CNOT10: variants seen among roughly 807,000 people sequenced by gnomAD.
CNOT10 encodes CCR4-NOT transcription complex, subunit 10.
In CNOT10, 30 loss-of-function variants were observed where a neutral mutation model predicts 94.6. The observed-to-expected ratio is 0.32, with a 90% CI of 0.24 to 0.43. CNOT10 has a LOEUF of 0.43. CNOT10 is among the 20% of genes least tolerant of loss of function. CNOT10 has a pLI of 1.00. For missense variants in CNOT10, 759 were observed against 877.2 expected (o/e 0.87, Z 1.70); for synonymous variants, 289 against 301.6 (o/e 0.96, Z 0.43).
intron 13 of CNOT10, among the ~76,000 whole-genome samples, chr3:32,743,066 A>G (rs1056284886): frequency 1.3e-5 from 2 of 150,742 alleles, no homozygotes; most frequent in Non-Finnish European, 2.9e-5. Context: ...GCTCACTGCA[A>G]CATCCGCCTC....
In CNOT10 at chr3:32,770,904, G is replaced by A. The variant is rs552937813; in HGVS notation, c.2080+942G>A. Among the ~76,000 whole-genome samples the A allele has an allele frequency of 9.2e-5, 14 of 151,910 alleles. No individual in the cohort carries two copies. The East Asian group carries it at 1.6e-3, about 17-fold the overall frequency. On this transcript the variant is annotated intron_variant, in intron 18 of 18. Transcript: ENST00000328834. Reference sequence around the variant, plus strand: ...AATTTTTGTATTTTTAGTAGAGACCGGGTTCACCACGTTGGCCAAGCTGGT... The same window carrying A: ...AATTTTTGTATTTTTAGTAGAGACCAGGTTCACCACGTTGGCCAAGCTGGT...
chr3:32,773,070 G>A (rs1165211785), intron 18 of CNOT10, among the ~76,000 whole-genome samples: 2 of 151,948 alleles, frequency 1.3e-5, no homozygotes, highest in East Asian at 3.9e-4. Context: ...TTTCACCATG[G>A]TACCCAAGCT....
intron 13 of CNOT10, among the ~76,000 whole-genome samples, chr3:32,745,095 TATTGAA>T (rs1699634639): frequency 6.6e-6 from 1 of 152,088 alleles, no homozygotes; most frequent in Non-Finnish European, 1.5e-5. Context: ...GCCAGGCTGG[TATTGAA>T]CTCCTGGCCT....
chr3:32,705,613 G>A (rs896941691), intron 3 of CNOT10, among the ~76,000 whole-genome samples: 1 of 152,122 alleles, frequency 6.6e-6, no homozygotes, highest in Non-Finnish European at 1.5e-5. Flanking sequence ...TTTTAAAAGT[G>A]GAAAAGCCAA....
At chr3:32,692,723 C>G (rs767877736) in intron 1 of CNOT10, among the ~76,000 whole-genome samples, 1 of 152,012 alleles carries the variant, frequency 6.6e-6, no homozygotes, top group Non-Finnish European at 1.5e-5. Flanking sequence ...TAGTTTCTAC[C>G]TTTGTTAGTG....
chr3:32,770,589 T>A (rs1057348743), intron 18 of CNOT10, among the ~76,000 whole-genome samples: 18 of 152,154 alleles, frequency 1.2e-4, no homozygotes, highest in African/African-American at 3.6e-4. Context: ...CCTCCCAAAG[T>A]GCTTGGATTA....
At position 32,727,979 on chromosome 3, in the gene CNOT10, T is replaced by TTTTA. The variant is rs150924656; in HGVS notation, c.1215+137_1215+140dup. 1,114 of 570,314 alleles carry TTTTA rather than the reference T, an allele frequency of 2.0e-3. 3 individuals are homozygous for TTTTA. Among genetic ancestry groups the TTTTA allele is most frequent in the African/African-American group, 0.016 (764 of 48,660 alleles). The allele number at this position is 570,314 out of a possible 1,614,324, so 35.3% of individuals were successfully genotyped here. ...GGAAACATACATAAGACATTTCTCT[T>TTTTA]TTTATTTATTTATTTATTTATTTAT... On this transcript the variant is annotated intron_variant, in intron 10 of 18. Transcript: ENST00000328834.
chr3:32,722,036 C>T (rs769910017), intron 8 of CNOT10, among the ~76,000 whole-genome samples: 1 of 152,126 alleles, frequency 6.6e-6, no homozygotes, highest in Non-Finnish European at 1.5e-5. Flanking sequence ...AAAATTGTGA[C>T]TGTCATTTAG....
chr3:32,744,461 G>A (rs563903509), intron 13 of CNOT10, among the ~76,000 whole-genome samples: 4 of 151,550 alleles, frequency 2.6e-5, no homozygotes, highest in African/African-American at 4.9e-5. Context: ...GAGTATTTTC[G>A]GTTTTTTTCA....
chr3:32,688,226 T>C (rs1696711489), intron 1 of CNOT10, among the ~76,000 whole-genome samples: 1 of 152,210 alleles, frequency 6.6e-6, no homozygotes, highest in Non-Finnish European at 1.5e-5. Flanking sequence ...AAAGTCTCTG[T>C]TCTGGAGCTT....
In CNOT10 at chr3:32,704,796, G is replaced by GTT. The variant is rs370142940; in HGVS notation, c.118-4_118-3dup. 5,005 of 1,180,480 alleles carry GTT rather than the reference G, an allele frequency of 4.2e-3. 3 individuals carry two copies. The highest frequency in any genetic ancestry group is 4.9e-3 in the South Asian group (307 of 62,756). 73.1% of individuals were successfully genotyped at this position (1,180,480 alleles called of 1,614,324 possible). A position where few individuals can be genotyped will look rare whatever the true frequency, so the allele number is the denominator to read the frequency against. On this transcript the variant is annotated splice_polypyrimidine_tract_variant and intron_variant, in intron 2 of 18. Coordinates refer to ENST00000328834, the MANE Select transcript of CNOT10 (RefSeq NM_015442.3). ...ATGTAATTTTGTGTGTGTGTGTGTG[G>GTT]TTTTTTTTTTTTAGTCTGGAAATTA... is the stretch of plus-strand genomic sequence containing the variant.
chr3:32,716,636 TTGAG>T (rs1336597439), intron 6 of CNOT10, among the ~76,000 whole-genome samples: 3 of 152,064 alleles, frequency 2.0e-5, no homozygotes, highest in African/African-American at 7.2e-5. Flanking sequence ...TGCCCGGAAC[TTGAG>T]TATTTAAGTT....
At chr3:32,752,841 C>T (rs112389891) in intron 13 of CNOT10, 5,037 of 255,244 alleles carry the variant, frequency 0.02, 82 homozygotes, top group East Asian at 0.044. Context: ...GAAGTTTCCC[C>T]CTTGGGCAGT....
intron 6 of CNOT10, 32 bp downstream of exon 6, chr3:32,716,343 CA>C (rs747346145): frequency 1.9e-6 from 2 of 1,040,704 alleles, no homozygotes; most frequent in Non-Finnish European, 2.9e-6. Flanking sequence ...GGCAATACAT[CA>C]CATATATTTA....
At chr3:32,720,945 T>A (rs1698367642) in intron 8 of CNOT10, among the ~76,000 whole-genome samples, 1 of 140,388 alleles carries the variant, frequency 7.1e-6, no homozygotes, top group Non-Finnish European at 1.5e-5. Flanking sequence ...CCTTCTTCCC[T>A]TCCTTCCCTT....
intron 13 of CNOT10, among the ~76,000 whole-genome samples, chr3:32,745,226 T>C (rs933886261): frequency 6.6e-6 from 1 of 152,204 alleles, no homozygotes; most frequent in Non-Finnish European, 1.5e-5. Flanking sequence ...TAATACCTAG[T>C]GCACTATATA....
At chr3:32,754,491 T>A (rs1401353526) in intron 13 of CNOT10, among the ~76,000 whole-genome samples, 547 of 46,992 alleles carry the variant, frequency 0.012, 49 homozygotes, top group African/African-American at 0.024. Flanking sequence ...AAAAAAAAAA[T>A]ACATATATAT....
Position 32,727,697 on chromosome 3 carries a change from A to G in CNOT10, c.1042A>G (p.Thr348Ala), listed in dbSNP as rs11558687. ...AAAATTTTCAGGAAGACCCATGTGT[A>G]CGTTACTAACCAATAAGAGATATGA... ...GKKFSGRPMCTLLTNKRYELL... is the reference protein window; with the variant it reads ...GKKFSGRPMCALLTNKRYELL... Residue 348 changes from threonine (T) to alanine (A), a missense_variant, in exon 10 of 19, where the codon ACG (threonine) becomes GCG (alanine). This residue lies in a region of CNOT10 where 682 missense variants were observed against 799.4 expected (regional missense o/e 0.85). Transcript: ENST00000328834. 2 of 1,613,738 alleles carry G rather than the reference A, an allele frequency of 1.2e-6. No individual in the cohort carries two copies. Among genetic ancestry groups the G allele is most frequent in the Non-Finnish European group, 1.7e-6 (2 of 1,179,814 alleles).
chr3:32,729,313 C>T (rs1698831836), intron 10 of CNOT10, among the ~76,000 whole-genome samples: 1 of 152,104 alleles, frequency 6.6e-6, no homozygotes, highest in African/African-American at 2.4e-5. Flanking sequence ...TGGTGGAAGC[C>T]TTTTGAATTT....
Sources: allele counts gnomAD v4.1 joint callset (sites outside exome capture counted in the v4.1 genomes callset), GRCh38; gene constraint gnomAD v4.1.1; regional missense constraint gnomAD v4.1.1; transcripts MANE v1.5; gene names NCBI Gene and HGNC (gene_info 2026-07-23, HGNC 2026-07-21).